Variants in NPFFR2 observed in about 807,000 individuals in gnomAD.
NPFFR2 encodes G-protein coupled receptor 74.
Under a neutral mutation model 13.1 loss-of-function variants are expected in NPFFR2, and 15 were observed. That is an observed-to-expected ratio of 1.15 (90% CI 0.77 to 1.76). NPFFR2 has a LOEUF of 1.76. Among genes scored for constraint, NPFFR2 ranks in the 40% most tolerant of loss-of-function variants. NPFFR2 has a pLI of 0.00. For missense variants in NPFFR2, 572 were observed against 503.5 expected, an observed-to-expected ratio of 1.14 and a Z score of -1.30; for synonymous variants, 190 against 175.7, an observed-to-expected ratio of 1.08 and a Z score of -0.65.
rs1363541054 is a variant in NPFFR2 at position 72,122,400 on chromosome 4, AC to A, written c.-7-6183del. On this transcript the variant is annotated intron_variant, in intron 1 of 3. Coordinates refer to ENST00000308744, the MANE Select transcript of NPFFR2 (RefSeq NM_004885.3). The stretch of plus-strand genomic sequence containing the variant: ...TTGAACTCAGCTCTGGACCAAGCAG[AC>A]CTAACAGACATCTACAGAACTCTCC... Among the ~76,000 whole-genome samples, 15 of 152,264 alleles carry A rather than the reference AC, an allele frequency of 9.9e-5. No homozygotes were observed. In the East Asian group the frequency reaches 2.9e-3, roughly 29 times the overall value.
At chr4:72,086,502 C>G (rs1720775436) in intron 1 of NPFFR2, among the ~76,000 whole-genome samples, 1 of 151,908 alleles carries the variant, frequency 6.6e-6, no homozygotes, top group South Asian at 2.1e-4. Context: ...AAAATTAGGT[C>G]TTAATTAAGT....
intron 3 of NPFFR2, among the ~76,000 whole-genome samples, chr4:72,139,415 C>T (rs1408382759): frequency 6.6e-6 from 1 of 152,050 alleles, no homozygotes; most frequent in Non-Finnish European, 1.5e-5. Flanking sequence ...GTCTTTAATC[C>T]ATCTTGAATT....
At chr4:72,146,105 C>T (rs1380768271) in intron 3 of NPFFR2, among the ~76,000 whole-genome samples, 1 of 152,066 alleles carries the variant, frequency 6.6e-6, no homozygotes, top group Non-Finnish European at 1.5e-5. Context: ...ATCAGCAAAA[C>T]ATTTAGTGGC....
At chr4:72,118,884 AAAAT>A in intron 1 of NPFFR2, among the ~76,000 whole-genome samples, 1 of 152,266 alleles carries the variant, frequency 6.6e-6, no homozygotes, top group South Asian at 2.1e-4. Context: ...CTTCAACAGA[AAAAT>A]AAATATTTTT....
At chr4:72,132,834 T>C (rs1318206449) in intron 2 of NPFFR2, among the ~76,000 whole-genome samples, 2 of 152,206 alleles carry the variant, frequency 1.3e-5, no homozygotes, top group Non-Finnish European at 2.9e-5. Flanking sequence ...TTGCCCACTT[T>C]TTAATGGGGT....
chr4:72,121,471 G>T lies in NPFFR2; in HGVS notation c.-7-7114G>T, dbSNP rs139239380. On this transcript the variant is annotated intron_variant, in intron 1 of 3. Transcript: ENST00000308744. The stretch of plus-strand genomic sequence containing the variant: ...TCATCAGATTCACTGAGGTTGAAAT[G>T]AAGGAAAAAATCTTAAGGGCAACCA... 4.4e-3 allele frequency among the ~76,000 whole-genome samples: 677 copies of T among 152,244 alleles called. 3 individuals are homozygous for T. Among genetic ancestry groups the T allele is most frequent in the African/African-American group, 0.016 (651 of 41,546 alleles).
At chr4:72,079,890 C>T (rs900399963) in intron 1 of NPFFR2, among the ~76,000 whole-genome samples, 5 of 152,240 alleles carry the variant, frequency 3.3e-5, no homozygotes, top group African/African-American at 1.2e-4. Flanking sequence ...TCAGATTTTA[C>T]TTGTTGAATG....
chr4:72,048,317 C>A (rs183093105), intron 1 of NPFFR2, among the ~76,000 whole-genome samples: 73 of 152,206 alleles, frequency 4.8e-4, no homozygotes, highest in African/African-American at 1.5e-3. Flanking sequence ...AATAAGTTAT[C>A]TCTAGAAGGG....
At chr4:72,105,208 T>A (rs925830878) in intron 1 of NPFFR2, among the ~76,000 whole-genome samples, 3 of 151,592 alleles carry the variant, frequency 2.0e-5, no homozygotes, top group Admixed American at 6.6e-5. Context: ...AAATGAATAA[T>A]TTACAATATG....
intron 1 of NPFFR2, among the ~76,000 whole-genome samples, chr4:72,101,222 A>T (rs1277302956): frequency 6.6e-6 from 1 of 152,058 alleles, no homozygotes; most frequent in Non-Finnish European, 1.5e-5. Flanking sequence ...GGTAATTCAC[A>T]TGCCATACAA....
At chr4:72,064,072 C>T (rs1578431221) in intron 1 of NPFFR2, among the ~76,000 whole-genome samples, 1 of 152,216 alleles carries the variant, frequency 6.6e-6, no homozygotes, top group East Asian at 1.9e-4. Context: ...ATTCCACCCA[C>T]CAGGAACATG....
chr4:72,068,902 T>C (rs1451408862), intron 1 of NPFFR2: 5 of 909,800 alleles, frequency 5.5e-6, no homozygotes, highest in African/African-American at 5.3e-5. Flanking sequence ...GTTTGATTTC[T>C]TTATTTCCAG....
At position 72,050,703 on chromosome 4, in the gene NPFFR2, A is replaced by G. The variant is rs1357931678; in HGVS notation, c.-8+18503A>G. 7.2e-4 allele frequency among the ~76,000 whole-genome samples: 110 copies of G among 151,860 alleles called. 1 individual carries two copies. Among genetic ancestry groups the G allele is most frequent in the Admixed American group, 2.0e-4 (3 of 15,222 alleles). ...ATGTATACATGTGACATGCTGGTGC[A>G]CTGCACCCACTAACTTGTCATCTAG... On this transcript the variant is annotated intron_variant, in intron 1 of 3. Coordinates refer to ENST00000308744, the MANE Select transcript of NPFFR2 (RefSeq NM_004885.3).
chr4:72,056,429 T>G (rs1719746353), intron 1 of NPFFR2, among the ~76,000 whole-genome samples: 1 of 152,006 alleles, frequency 6.6e-6, no homozygotes, highest in African/African-American at 2.4e-5. Context: ...ACATTACTTC[T>G]CATTTACAAT....
intron 1 of NPFFR2, among the ~76,000 whole-genome samples, chr4:72,108,211 G>A (rs1721470827): frequency 6.6e-6 from 1 of 151,782 alleles, no homozygotes; most frequent in Non-Finnish European, 1.5e-5. Context: ...CAGTTTCCAG[G>A]GAGTCATGCC....
chr4:72,085,273 C>T (rs975850573), intron 1 of NPFFR2, among the ~76,000 whole-genome samples: 7 of 152,056 alleles, frequency 4.6e-5, no homozygotes, highest in African/African-American at 1.2e-4. Context: ...CTCTCAGTTT[C>T]GTATCTTATA....
At chr4:72,121,715 AC>A (rs1350244527) in intron 1 of NPFFR2, among the ~76,000 whole-genome samples, 1 of 152,210 alleles carries the variant, frequency 6.6e-6, no homozygotes, top group Non-Finnish European at 1.5e-5. Context: ...AGATTTTGTC[AC>A]CACCAGGCCT....
At chr4:72,123,503 C>T (rs546801876) in intron 1 of NPFFR2, among the ~76,000 whole-genome samples, 2 of 152,266 alleles carry the variant, frequency 1.3e-5, no homozygotes, top group South Asian at 4.1e-4. Flanking sequence ...AACATTGATG[C>T]AAAAATCCTC....
rs148850673 is a variant in NPFFR2 at position 72,058,178 on chromosome 4, T to C, written c.-8+25978T>C. Among the ~76,000 whole-genome samples, 1,108 of 152,076 alleles carry C rather than the reference T, an allele frequency of 7.3e-3. 12 individuals are homozygous for C. The highest frequency in any genetic ancestry group is 0.025 in the African/African-American group (1,038 of 41,512). On this transcript the variant is annotated intron_variant, in intron 1 of 3. Coordinates refer to ENST00000308744, the MANE Select transcript of NPFFR2 (RefSeq NM_004885.3). ...ATCGTGTTGTGTAGGAGAATGTGTT[T>C]ATTTTATGGGGAGTACACACTAAAG...
Sources: allele counts gnomAD v4.1 joint callset (sites outside exome capture counted in the v4.1 genomes callset), GRCh38; gene constraint gnomAD v4.1.1; transcripts MANE v1.5; gene names NCBI Gene and HGNC (gene_info 2026-07-23, HGNC 2026-07-21).